ECHDC3: variants seen among roughly 807,000 people sequenced by gnomAD.
ECHDC3 encodes enoyl-CoA hydratase domain-containing protein 3, mitochondrial.
In ECHDC3, 20 loss-of-function variants were observed where a neutral mutation model predicts 17.9. The ratio of observed to expected loss-of-function variants is 1.12; its 90% CI spans 0.79 to 1.63. The LOEUF is 1.63. Ranked by LOEUF, ECHDC3 falls within the 40% of genes most tolerant of loss-of-function variation. The pLI, the probability that ECHDC3 is intolerant of heterozygous loss-of-function variation, is 0.00. For missense variants in ECHDC3, 407 were observed against 357.7 expected (o/e 1.14, Z -1.11); for synonymous variants, 177 against 149.7 (o/e 1.18, Z -1.33).
chr10:11,745,613 A>G (rs1167903800), intron 1 of ECHDC3, among the ~76,000 whole-genome samples: 1 of 152,222 alleles, frequency 6.6e-6, no homozygotes, highest in Non-Finnish European at 1.5e-5. Flanking sequence ...TCAGTCATCA[A>G]ACTTGTTTTC....
At chr10:11,747,245 T>C (rs1832770710) in intron 1 of ECHDC3, 104 bp from the exon 2 acceptor site, 1 of 1,461,448 alleles carries the variant, frequency 6.8e-7, no homozygotes, top group East Asian at 2.4e-5. Flanking sequence ...GCAGTTCTCC[T>C]TTCTTGTCTG....
chr10:11,742,391 A>T lies in ECHDC3; in HGVS notation c.-186A>T. The T allele has an allele frequency of 3.1e-6, 1 of 322,788 alleles. No homozygotes were observed. 20.0% of individuals were successfully genotyped at this position (322,788 alleles called of 1,614,324 possible). On this transcript the variant is annotated 5_prime_UTR_variant, in exon 1 of 5. Transcript: ENST00000379215. ...CGTGCCGGGGCGGGGCGTAGTACGG[A>T]CTGGGCCTGGCCTGGGGCGTCCCCG...
At position 11,753,876 on chromosome 10, in the gene ECHDC3, G is replaced by A. The variant is rs555856435; in HGVS notation, c.391-1532G>A. Among the ~76,000 whole-genome samples, 4 of 152,240 alleles carry A rather than the reference G, an allele frequency of 2.6e-5. No individual in the cohort carries two copies. The South Asian group carries it at 8.3e-4, about 32-fold the overall frequency. Reference sequence around the variant, plus strand: ...CACAACCTCCACTTCCCAAGTTCAAGCAATTCCCCTGCCTCAGCCTCCCAA... The same window carrying A: ...CACAACCTCCACTTCCCAAGTTCAAACAATTCCCCTGCCTCAGCCTCCCAA... On this transcript the variant is annotated intron_variant, in intron 3 of 4. Coordinates refer to ENST00000379215, the MANE Select transcript of ECHDC3 (RefSeq NM_024693.5).
At chr10:11,759,537 T>A (rs1832924087) in intron 4 of ECHDC3, among the ~76,000 whole-genome samples, 1 of 152,110 alleles carries the variant, frequency 6.6e-6, no homozygotes, top group South Asian at 2.1e-4. Context: ...TTGTGAGATA[T>A]AAATGTCTGT....
intron 1 of ECHDC3, among the ~76,000 whole-genome samples, chr10:11,745,373 C>T (rs369729134): frequency 1.6e-3 from 250 of 152,280 alleles, no homozygotes; most frequent in Middle Eastern, 0.01. Flanking sequence ...TTTATATTTG[C>T]TACAAGAAGC....
intron 1 of ECHDC3, among the ~76,000 whole-genome samples, chr10:11,743,880 C>T (rs1002311093): frequency 6.6e-6 from 1 of 152,190 alleles, no homozygotes; most frequent in Non-Finnish European, 1.5e-5. Context: ...GTCGAGTTCT[C>T]CAGAATTAAA....
chr10:11,757,656 C>T (rs1471894967), intron 4 of ECHDC3, among the ~76,000 whole-genome samples: 2 of 152,158 alleles, frequency 1.3e-5, no homozygotes, highest in African/African-American at 4.8e-5. Flanking sequence ...GTTCTGTCAA[C>T]AAGCCCTTGC....
chr10:11,763,361 G>A lies in ECHDC3; in HGVS notation c.729G>A (p.Leu243=). The A allele has an allele frequency of 2.6e-6, 2 of 779,452 alleles. No homozygotes were observed. The highest frequency in any genetic ancestry group is 4.8e-6 in the Non-Finnish European group (2 of 418,618). The allele number at this position is 779,452 out of a possible 1,614,324, so 48.3% of individuals were successfully genotyped here. Residue 243 remains leucine (L), a synonymous_variant, in exon 5 of 5, where the codon CTG becomes CTA. Transcript: ENST00000379215. This position sits in a 1 kb window ranked among gnomAD's most constrained non-coding sequence, Gnocchi z 4.9. ...GGATCGCTAGGAAGATCGCATCGCT[G>A]AGCCGTCCGGTGGTGTCCCTGGGCA... ...TMRIARKIAS[L]SRPVVSLGKA...
chr10:11,754,987 G>A (rs1392530006), intron 3 of ECHDC3, among the ~76,000 whole-genome samples: 2 of 152,158 alleles, frequency 1.3e-5, no homozygotes, highest in Non-Finnish European at 2.9e-5. Flanking sequence ...ATAAACTCAC[G>A]CTTATGAAAA....
chr10:11,760,864 G>A (rs1165861112), intron 4 of ECHDC3, among the ~76,000 whole-genome samples: 1 of 152,200 alleles, frequency 6.6e-6, no homozygotes, highest in Non-Finnish European at 1.5e-5. Context: ...TTTAGCTCCT[G>A]GTTCAACCAG....
Position 11,764,039 on chromosome 10 carries a change from T to A in ECHDC3, c.*495T>A. ...ATGCCTATGGCTTTGAATAATCTTATGTGATTTAAATAAATTAAATCTTTA... is the reference window on the plus strand; with the variant it reads ...ATGCCTATGGCTTTGAATAATCTTAAGTGATTTAAATAAATTAAATCTTTA... On this transcript the variant is annotated 3_prime_UTR_variant, in exon 5 of 5. Coordinates refer to ENST00000379215, the MANE Select transcript of ECHDC3 (RefSeq NM_024693.5). 1.2e-6 allele frequency: 1 copy of A among 810,100 alleles called. No homozygotes were observed. The highest frequency in any genetic ancestry group is 1.5e-6 in the Non-Finnish European group (1 of 669,820). 50.2% of individuals were successfully genotyped at this position (810,100 alleles called of 1,614,324 possible).
intron 4 of ECHDC3, among the ~76,000 whole-genome samples, chr10:11,762,750 G>C (rs563069649): frequency 2.6e-5 from 4 of 152,168 alleles, no homozygotes; most frequent in African/African-American, 9.7e-5. Flanking sequence ...GTAAATCCTT[G>C]CCTCTCCGGG....
At chr10:11,760,385 A>T (rs1564285694) in intron 4 of ECHDC3, among the ~76,000 whole-genome samples, 1 of 152,212 alleles carries the variant, frequency 6.6e-6, no homozygotes, top group Non-Finnish European at 1.5e-5. Flanking sequence ...GCAGCTACAC[A>T]CTGCCGGCCC....
chr10:11,746,638 T>G (rs947682108), intron 1 of ECHDC3, among the ~76,000 whole-genome samples: 3 of 151,920 alleles, frequency 2.0e-5, no homozygotes, highest in Admixed American at 1.3e-4. Context: ...CCACAAAAAT[T>G]AAATATAAAA....
At chr10:11,755,975 A>G (rs2133792952) in intron 4 of ECHDC3, among the ~76,000 whole-genome samples, 1 of 152,332 alleles carries the variant, frequency 6.6e-6, no homozygotes, top group Non-Finnish European at 1.5e-5. Flanking sequence ...GTTGCACTGA[A>G]TGGTTGCCCA....
chr10:11,751,150 G>A (rs1168838200), intron 3 of ECHDC3, among the ~76,000 whole-genome samples: 2 of 152,174 alleles, frequency 1.3e-5, no homozygotes, highest in Non-Finnish European at 2.9e-5. Context: ...AAGTTGAAAA[G>A]CATCAAAGAG....
At chr10:11,755,697 T>A in intron 4 of ECHDC3, 89 bp downstream of exon 4, 1 of 1,265,298 alleles carries the variant, frequency 7.9e-7, no homozygotes, top group Non-Finnish European at 1.1e-6. Context: ...ATCCGCTTGT[T>A]AAAAGTGCCT....
Position 11,763,894 on chromosome 10 carries a change from C to T in ECHDC3, c.*350C>T. On this transcript the variant is annotated 3_prime_UTR_variant, in exon 5 of 5. Transcript: ENST00000379215. This position sits in a 1 kb window ranked among gnomAD's most constrained non-coding sequence, Gnocchi z 4.9. ...GCAGAAAGAAGGACGCCAGCCTGAC[C>T]CTTATCTGAAACGTCCTAAGCAGAG... 1 of 1,051,344 alleles carries T rather than the reference C, an allele frequency of 9.5e-7. No individual in the cohort carries two copies. Among genetic ancestry groups the T allele is most frequent in the Non-Finnish European group, 1.1e-6 (1 of 872,336 alleles). 65.1% of individuals were successfully genotyped at this position (1,051,344 alleles called of 1,614,324 possible).
intron 4 of ECHDC3, among the ~76,000 whole-genome samples, chr10:11,760,948 C>T (rs1354338862): frequency 6.6e-6 from 1 of 152,268 alleles, no homozygotes; most frequent in Non-Finnish European, 1.5e-5. Flanking sequence ...ACCCCCATAG[C>T]TGTCACGTTC....
Sources: gnomAD v4.1 joint callset for allele counts (sites outside exome capture counted in the v4.1 genomes callset) on GRCh38, gnomAD v4.1.1 for gene constraint, Gnocchi (gnomAD v3.1) non-coding constraint, MANE v1.5 for transcripts, NCBI Gene and HGNC (gene_info 2026-07-23, HGNC 2026-07-21) for gene names.